Variants in IRF7 observed in about 807,000 individuals in gnomAD.
IRF7 encodes interferon regulatory factor 7, also known as interferon regulatory factor-7H.
In IRF7, 67 loss-of-function variants were observed where a neutral mutation model predicts 51.3. The observed-to-expected ratio is 1.31, with a 90% CI of 1.07 to 1.60. The LOEUF is 1.60. Ranked by LOEUF, IRF7 falls within the 40% of genes most tolerant of loss-of-function variation. The pLI, the probability that IRF7 is intolerant of heterozygous loss-of-function variation, is 0.00. For synonymous variants in IRF7, 427 were observed against 301.3 expected, an observed-to-expected ratio of 1.42 and a Z score of -4.32; for missense variants, 873 against 701.5, an observed-to-expected ratio of 1.24 and a Z score of -2.76.
intron 10 of IRF7, 50 bp from the exon 11 acceptor site, chr11:612,850 C>T (rs1370648478): frequency 1.9e-6 from 3 of 1,592,846 alleles, no homozygotes; most frequent in Admixed American, 1.7e-5. Flanking sequence ...GTGTCCTCCC[C>T]TCCCCCTCCC....
At chr11:612,858 C>A in intron 10 of IRF7, 58 bp from the exon 11 acceptor site, 2 of 1,591,468 alleles carry the variant, frequency 1.3e-6, no homozygotes, top group Non-Finnish European at 8.6e-7. Flanking sequence ...CCCTCCCCCT[C>A]CCCAGGCTCT....
Position 614,232 on chromosome 11 carries a change from T to G in IRF7, c.621A>C (p.Pro207=). The change falls in exon 6 of 11, where the codon CCA becomes CCC. Residue 207 remains proline, a synonymous_variant. Coordinates refer to ENST00000525445, the MANE Select transcript of IRF7 (RefSeq NM_001572.5). ...LTASWGADPV[P]TKAPGEGQEG... Reference sequence around the variant, plus strand: ...CTTGTCCCTCTCCAGGAGCCTTGGTTGGGACTGGATCTGCCCCCCATGACG... The same window carrying G: ...CTTGTCCCTCTCCAGGAGCCTTGGTGGGGACTGGATCTGCCCCCCATGACG... 6.2e-7 allele frequency: 1 copy of G among 1,612,992 alleles called. No homozygotes were observed. The highest frequency in any genetic ancestry group is 1.1e-5 in the South Asian group (1 of 91,032).
rs1856671274 is a variant in IRF7, at chr11:614,188, C to T, written c.665G>A (p.Gly222Glu). The T allele has an allele frequency of 6.2e-7, 1 of 1,612,714 alleles. No homozygotes were observed. Among genetic ancestry groups the T allele is most frequent in the Non-Finnish European group, 8.5e-7 (1 of 1,179,832 alleles). Reference sequence around the variant, plus strand: ...CACGCCCACACCTCCAGCACAGGCCCCAGTCAGGGGAAGCCCTTCTTGTCC... The same window carrying T: ...CACGCCCACACCTCCAGCACAGGCCTCAGTCAGGGGAAGCCCTTCTTGTCC... ...GEGQEGLPLT[G>E]ACAGGPGLPA... is the part of the protein sequence containing the mutation. Residue 222 changes from glycine to glutamate, a missense_variant, in exon 6 of 11, where the codon GGG (glycine) becomes GAG (glutamate). Gly to Glu is a moderately conservative substitution (Grantham distance 98). Transcript: ENST00000525445.
In IRF7 at chr11:615,165, A is replaced by G. The variant is rs772662853; in HGVS notation, c.115T>C (p.Cys39Arg). The change falls in exon 3 of 11, where the codon TGT becomes CGT. Residue 39 changes from cysteine (C) to arginine (R), a missense_variant. Cys to Arg is a radical substitution (Grantham distance 180). Coordinates refer to ENST00000525445, the MANE Select transcript of IRF7 (RefSeq NM_001572.5). The part of the protein sequence containing the change: ...GLQWLDEART[C>R]FRVPWKHFAR... ...AAGTGCTTCCAGGGCACGCGGAAAC[A>G]GGTGCGGGCCTCGTCCAGCCACTGC... 9 of 1,604,270 alleles carry G rather than the reference A, an allele frequency of 5.6e-6. No individual in the cohort carries two copies. Among genetic ancestry groups the G allele is most frequent in the Non-Finnish European group, 7.6e-6 (9 of 1,179,078 alleles).
rs370609653 is a variant in IRF7 at position 613,880 on chromosome 11, G to A, written c.767-15C>T. ...CGCGGCCTCGCCTGCATCCGGAAGG[G>A]AATCCTGTGCTGGCACCTCATCCCT... On this transcript the variant is annotated splice_polypyrimidine_tract_variant and intron_variant, in intron 7 of 10. Coordinates refer to ENST00000525445, the MANE Select transcript of IRF7 (RefSeq NM_001572.5). The A allele has an allele frequency of 1.3e-6, 2 of 1,599,038 alleles. No homozygotes were observed. The highest frequency in any genetic ancestry group is 1.7e-6 in the Non-Finnish European group (2 of 1,173,946).
chr11:612,706 C>T lies in IRF7; in HGVS notation c.1451G>A (p.Ser484Asn), dbSNP rs1486552636. Residue 484 changes from serine to asparagine, a missense_variant, in exon 11 of 11, where the codon AGC becomes AAC. Transcript: ENST00000525445. ...DSSSLSLCLS[S>N]ANSLYDDIEC... Reference sequence around the variant, plus strand: ...GATGTCGTCATAGAGGCTGTTGGCGCTGGACAGGCAGAGGCTGAGGCTGCT... The same window carrying T: ...GATGTCGTCATAGAGGCTGTTGGCGTTGGACAGGCAGAGGCTGAGGCTGCT... 1 of 1,612,950 alleles carries T rather than the reference C, an allele frequency of 6.2e-7. No individual in the cohort carries two copies. The highest frequency in any genetic ancestry group is 8.5e-7 in the Non-Finnish European group (1 of 1,180,024).
At chr11:614,153 C>T (rs758778364) in intron 6 of IRF7, 21 bp downstream of exon 6, 5 of 1,606,026 alleles carry the variant, frequency 3.1e-6, no homozygotes, top group East Asian at 2.2e-5. Flanking sequence ...GCGCTCCCCC[C>T]CTCCCCGGGC....
In IRF7 at chr11:613,042, A is replaced by G. The variant is rs773112663; in HGVS notation, c.1313T>C (p.Leu438Pro). The change falls in exon 10 of 11, where the codon CTG becomes CCG. Residue 438 changes from leucine to proline, a missense_variant. Leu to Pro is a moderately conservative substitution (Grantham distance 98). Coordinates refer to ENST00000525445, the MANE Select transcript of IRF7 (RefSeq NM_001572.5). ...YTIYLGFGQD[L>P]SAGRPKEKSL... ...CTTCTCCTTGGGCCTCCCAGCTGAC[A>G]GGTCCTGCCCGAAGCCCAGGTAGAT... 1.7e-5 allele frequency: 27 copies of G among 1,612,996 alleles called. No individual in the cohort carries two copies. The highest frequency in any genetic ancestry group is 2.0e-5 in the Non-Finnish European group (24 of 1,179,992).
rs755167282 is a variant in IRF7, at chr11:613,815, G to A, written c.817C>T (p.Pro273Ser). The change falls in exon 8 of 11, where the codon CCC (proline) becomes TCC (serine). Residue 273 changes from proline (P) to serine (S), a missense_variant. By Grantham distance (74) the Pro-to-Ser change is moderately conservative (BLOSUM62 -1). Coordinates refer to ENST00000525445, the MANE Select transcript of IRF7 (RefSeq NM_001572.5). ...SPHQAEPYLSPSPSACTAVQE... is the reference protein window; with the variant it reads ...SPHQAEPYLSSSPSACTAVQE... ...ACCGCGGTGCAGGCGCTTGGGGAGG[G>A]TGACAGGTACGGCTCTGCCTGGTGC... is the stretch of plus-strand genomic sequence containing the variant. 101 of 1,578,822 alleles carry A rather than the reference G, an allele frequency of 6.4e-5. No individual in the cohort carries two copies. The highest frequency in any genetic ancestry group is 1.7e-4 in the Middle Eastern group (1 of 5,952).
Position 613,037 on chromosome 11 carries a change from C to T in IRF7, c.1318G>A (p.Ala440Thr). The T allele has an allele frequency of 6.2e-7, 1 of 1,613,142 alleles. No homozygotes were observed. Among genetic ancestry groups the T allele is most frequent in the South Asian group, 1.1e-5 (1 of 91,082 alleles). ...IYLGFGQDLSAGRPKEKSLVL... is the reference protein window; with the variant it reads ...IYLGFGQDLSTGRPKEKSLVL... Reference sequence around the variant, plus strand: ...AGGCTCTTCTCCTTGGGCCTCCCAGCTGACAGGTCCTGCCCGAAGCCCAGG... The same window carrying T: ...AGGCTCTTCTCCTTGGGCCTCCCAGTTGACAGGTCCTGCCCGAAGCCCAGG... The change falls in exon 10 of 11, where the codon GCT becomes ACT. Residue 440 changes from alanine (A) to threonine (T), a missense_variant. Ala to Thr is a moderately conservative substitution (Grantham distance 58). Coordinates refer to ENST00000525445, the MANE Select transcript of IRF7 (RefSeq NM_001572.5).
rs1447997022 is a variant in IRF7 at position 614,536 on chromosome 11, TGA to T, written c.395-4_395-3del. On this transcript the variant is annotated splice_region_variant and splice_polypyrimidine_tract_variant and intron_variant, in intron 4 of 10. Transcript: ENST00000525445. ...CAGTCTGGTCCGTGCCTGGGCCTTC[TGA>T]GAGAGAATGGGGCAGGCGTTAGGCC... is the stretch of plus-strand genomic sequence containing the variant. 1.6e-5 allele frequency: 25 copies of T among 1,552,416 alleles called. No individual in the cohort carries two copies. The Admixed American group carries it at 2.2e-4, about 13-fold the overall frequency.
At chr11:614,678 T>C (rs1387426573) in intron 4 of IRF7, 119 bp downstream of exon 4, 8 of 1,386,414 alleles carry the variant, frequency 5.8e-6, no homozygotes, top group Non-Finnish European at 5.9e-6. Context: ...CCACCTGTCC[T>C]GGGCCTGCTG....
In IRF7 at chr11:615,470, A is replaced by G; in HGVS notation, c.-106T>C. ...GGCCGCGGCCACAGGTCGTGTGGCC[A>G]GGTGTCACAGGTGTCCACAGGTGTG... On this transcript the variant is annotated 5_prime_UTR_variant, in exon 2 of 11. Transcript: ENST00000525445. 1.6e-6 allele frequency: 2 copies of G among 1,246,826 alleles called. No individual in the cohort carries two copies. Among genetic ancestry groups the G allele is most frequent in the Non-Finnish European group, 2.1e-6 (2 of 932,458 alleles). The allele number at this position is 1,246,826 out of a possible 1,614,324, so 77.2% of individuals were successfully genotyped here.
intron 1 of IRF7, 52 bp downstream of exon 1, chr11:615,861 A>C: frequency 6.6e-6 from 1 of 151,794 alleles, no homozygotes; most frequent in Non-Finnish European, 1.4e-5. Context: ...CGGAGCCCCC[A>C]CGGAGGCTCT....
rs1015520011 is a variant in IRF7 at position 615,548 on chromosome 11, G to A, written c.-184C>T. ...GCCTCGGTATGGATCTCTTGGCAGA[G>A]GGGGCTACAGGTGTGACTGCAGGTG... is the stretch of plus-strand genomic sequence containing the variant. On this transcript the variant is annotated 5_prime_UTR_variant, in exon 2 of 11. Coordinates refer to ENST00000525445, the MANE Select transcript of IRF7 (RefSeq NM_001572.5). The A allele has an allele frequency of 4.9e-6, 3 of 618,390 alleles. No individual in the cohort carries two copies. The highest frequency in any genetic ancestry group is 3.0e-5 in the East Asian group (1 of 33,500). 38.3% of individuals were successfully genotyped at this position (618,390 alleles called of 1,614,324 possible).
At chr11:613,752 G>A (rs770749777) in intron 8 of IRF7, 33 bp downstream of exon 8, 1 of 1,417,050 alleles carries the variant, frequency 7.1e-7, no homozygotes. Flanking sequence ...GGGGTGGGCG[G>A]GGACAGGCTG....
chr11:614,816 G>A lies in IRF7; in HGVS notation c.375C>T (p.Ser125=). ...GCTCACCTCGCCAGCACAGCTCCCG[G>A]CTGAGCGCGTACACCTTGTGCGGGT... ...PADPHKVYAL[S]RELCWREGPG... Residue 125 remains serine, a synonymous_variant, in exon 4 of 11, where the codon AGC becomes AGT. Transcript: ENST00000525445. 1 of 1,551,032 alleles carries A rather than the reference G, an allele frequency of 6.4e-7. No individual in the cohort carries two copies. The highest frequency in any genetic ancestry group is 1.2e-5 in the South Asian group (1 of 84,250).
chr11:615,370 C>T lies in IRF7; in HGVS notation c.-6G>A. ...CTCTCAGGAGCCAAGGCCATTGCTC[C>T]TTCTGCAGGGGCAGTTAGGTGGCGG... On this transcript the variant is annotated 5_prime_UTR_variant, in exon 2 of 11. Coordinates refer to ENST00000525445, the MANE Select transcript of IRF7 (RefSeq NM_001572.5). 4.7e-6 allele frequency: 7 copies of T among 1,501,598 alleles called. No homozygotes were observed. Among genetic ancestry groups the T allele is most frequent in the Non-Finnish European group, 6.2e-6 (7 of 1,131,034 alleles). The allele number at this position is 1,501,598 out of a possible 1,614,324, so 93.0% of individuals were successfully genotyped here.
At chr11:612,945 G>T in intron 10 of IRF7, 54 bp downstream of exon 10, 3 of 1,588,848 alleles carry the variant, frequency 1.9e-6, no homozygotes, top group Non-Finnish European at 1.7e-6. Context: ...GGCATCAGGC[G>T]TCTGTCAGTG....
Sources: allele counts gnomAD v4.1 joint callset, GRCh38; gene constraint gnomAD v4.1.1; transcripts MANE v1.5; gene names NCBI Gene and HGNC (gene_info 2026-07-23, HGNC 2026-07-21).